The following ZFYVE28 variants were observed in gnomAD, a reference collection of about 807,000 sequenced individuals.
The protein encoded by ZFYVE28 is lateral signaling target protein 2 homolog.
In ZFYVE28, 40 loss-of-function variants were observed where a neutral mutation model predicts 82.1. The observed-to-expected ratio is 0.49, with a 90% CI of 0.38 to 0.63. The LOEUF (loss-of-function observed/expected upper bound fraction) is 0.63, where lower values mean the gene tolerates loss of function less well. Ranked by LOEUF, ZFYVE28 falls within the 30% of genes least tolerant of loss-of-function variation. The pLI is 0.00. For missense variants in ZFYVE28, 1,321 were observed against 1,242.1 expected (o/e 1.06, Z -0.96); for synonymous variants, 612 against 546.1 (o/e 1.12, Z -1.68).
At chr4:2,288,681 A>G (rs1015217774) in intron 8 of ZFYVE28, among the ~76,000 whole-genome samples, 1 of 152,270 alleles carries the variant, frequency 6.6e-6, no homozygotes, top group Non-Finnish European at 1.5e-5. Context: ...ACTTGTCTGT[A>G]AAACGGGAAA....
At chr4:2,308,697 G>GAA (rs781493887) in intron 7 of ZFYVE28, among the ~76,000 whole-genome samples, 9 of 124,246 alleles carry the variant, frequency 7.2e-5, no homozygotes, top group Admixed American at 4.8e-4. Flanking sequence ...GAAAAGAAAA[G>GAA]AAAAGAAAAA....
intron 2 of ZFYVE28, among the ~76,000 whole-genome samples, chr4:2,350,067 T>A (rs1231576785): frequency 3.3e-5 from 4 of 119,422 alleles, no homozygotes; most frequent in Non-Finnish European, 3.7e-5. Flanking sequence ...ACACACACAC[T>A]CGGCATCCAG....
chr4:2,356,076 C>T (rs1030570873), intron 1 of ZFYVE28, among the ~76,000 whole-genome samples: 1 of 152,190 alleles, frequency 6.6e-6, no homozygotes, highest in African/African-American at 2.4e-5. Flanking sequence ...GTCACTTTGT[C>T]CTGACTCTTT....
chr4:2,298,154 G>A (rs1415198161), intron 8 of ZFYVE28, among the ~76,000 whole-genome samples: 2 of 149,818 alleles, frequency 1.3e-5, no homozygotes, highest in Non-Finnish European at 3.0e-5. Context: ...AATGGCAGAG[G>A]ACGAGCGGTG....
At chr4:2,274,927 G>A (rs1736265751) in intron 8 of ZFYVE28, among the ~76,000 whole-genome samples, 1 of 152,258 alleles carries the variant, frequency 6.6e-6, no homozygotes, top group South Asian at 2.1e-4. Context: ...TTCTGCCAGA[G>A]TTTGCACTTC....
At chr4:2,373,505 A>C (rs78282388) in intron 1 of ZFYVE28, among the ~76,000 whole-genome samples, 1 of 152,202 alleles carries the variant, frequency 6.6e-6, no homozygotes, top group African/African-American at 2.4e-5. Context: ...ACCCTGTCTC[A>C]AAAAAATAAT....
At position 2,320,825 on chromosome 4, in the gene ZFYVE28, G is replaced by A. The variant is rs913763221; in HGVS notation, c.702-554C>T. ...ACACAGGACCCACCTCCCTTGTGGT[G>A]CCCACCATGCCCCGAGAAGCTCCCC... is the stretch of plus-strand genomic sequence containing the variant. On this transcript the variant is annotated intron_variant, in intron 6 of 12. Transcript: ENST00000290974. This position sits in a 1 kb window ranked among gnomAD's most constrained non-coding sequence, Gnocchi z 5.1. Among the ~76,000 whole-genome samples the A allele has an allele frequency of 1.3e-5, 2 of 152,054 alleles. No individual in the cohort carries two copies. The highest frequency in any genetic ancestry group is 4.8e-5 in the African/African-American group (2 of 41,422).
intron 6 of ZFYVE28, among the ~76,000 whole-genome samples, chr4:2,324,003 TG>T (rs913223649): frequency 5.9e-5 from 9 of 152,158 alleles, no homozygotes; most frequent in African/African-American, 2.2e-4. Flanking sequence ...TATCTTTTTG[TG>T]GTGGTGCTTT....
intron 8 of ZFYVE28, among the ~76,000 whole-genome samples, chr4:2,277,914 C>T (rs941969361): frequency 1.3e-5 from 2 of 152,146 alleles, no homozygotes; most frequent in African/African-American, 4.8e-5. Context: ...AGGACTCACA[C>T]TTGTGATTTG....
intron 7 of ZFYVE28, among the ~76,000 whole-genome samples, chr4:2,308,662 A>G (rs1033252880): frequency 2.5e-5 from 3 of 119,960 alleles, no homozygotes; most frequent in African/African-American, 1.1e-4. Context: ...AGAAAGAAAG[A>G]AAGAAAGAAA....
chr4:2,395,186 C>A (rs1230827483), intron 1 of ZFYVE28, among the ~76,000 whole-genome samples: 1 of 148,498 alleles, frequency 6.7e-6, no homozygotes, highest in African/African-American at 2.5e-5. Flanking sequence ...TGGGGCCTCC[C>A]CCATCTCGGT....
chr4:2,385,219 T>C (rs1729126180), intron 1 of ZFYVE28, among the ~76,000 whole-genome samples: 1 of 152,160 alleles, frequency 6.6e-6, no homozygotes, highest in South Asian at 2.1e-4. Context: ...CAGACAGACC[T>C]GGGCCATGGA....
intron 1 of ZFYVE28, among the ~76,000 whole-genome samples, chr4:2,393,300 A>G (rs1304044707): frequency 6.6e-6 from 1 of 152,234 alleles, no homozygotes; most frequent in East Asian, 1.9e-4. Flanking sequence ...AGTAATTCCA[A>G]TACCTGAAAC....
At chr4:2,404,593 C>T (rs568157416) in intron 1 of ZFYVE28, among the ~76,000 whole-genome samples, 24 of 152,318 alleles carry the variant, frequency 1.6e-4, no homozygotes, top group African/African-American at 4.8e-4. Context: ...GGCCCCACAG[C>T]ATATGACTCC....
chr4:2,413,457 A>G (rs1451484441), intron 1 of ZFYVE28, among the ~76,000 whole-genome samples: 2 of 152,222 alleles, frequency 1.3e-5, no homozygotes, highest in African/African-American at 2.4e-5. Context: ...ACCGGTGCGC[A>G]GGGCCAGCCA....
intron 2 of ZFYVE28, among the ~76,000 whole-genome samples, chr4:2,345,308 T>A (rs905641679): frequency 6.6e-6 from 1 of 152,164 alleles, no homozygotes; most frequent in African/African-American, 2.4e-5. Flanking sequence ...ACAAAGATGA[T>A]CAGGGACATT....
chr4:2,403,451 G>A (rs1224006427), intron 1 of ZFYVE28, among the ~76,000 whole-genome samples: 4 of 152,220 alleles, frequency 2.6e-5, no homozygotes, highest in South Asian at 2.1e-4. Context: ...GGATCGTGGC[G>A]GGAGGACATA....
intron 1 of ZFYVE28, among the ~76,000 whole-genome samples, chr4:2,361,524 A>G (rs1316560616): frequency 6.6e-6 from 1 of 152,142 alleles, no homozygotes. Context: ...GTTTACACGC[A>G]CTACCCCACC....
intron 1 of ZFYVE28, among the ~76,000 whole-genome samples, chr4:2,364,302 G>A (rs1296870091): frequency 6.6e-6 from 1 of 152,226 alleles, no homozygotes; most frequent in East Asian, 1.9e-4. Context: ...GCCTGTGGGT[G>A]GACAGCCAGC....
Sources: allele counts gnomAD v4.1 joint callset (sites outside exome capture counted in the v4.1 genomes callset), GRCh38; gene constraint gnomAD v4.1.1; non-coding constraint Gnocchi (gnomAD v3.1); transcripts MANE v1.5; gene names NCBI Gene and HGNC (gene_info 2026-07-23, HGNC 2026-07-21).